Variants in PGPEP1L observed in about 807,000 individuals in gnomAD.
PGPEP1L encodes pyroglutamyl-peptidase I like, also known as pyroglutamyl-peptidase 1-like protein.
A neutral mutation model predicts 6.0 loss-of-function variants in PGPEP1L; 7 were observed. That is an observed-to-expected ratio of 1.17 (90% confidence interval 0.66 to 2.19). The LOEUF (loss-of-function observed/expected upper bound fraction) is 2.19, where lower values mean the gene tolerates loss of function less well. PGPEP1L is among the 30% of genes most tolerant of loss of function. PGPEP1L has a pLI of 0.00. For synonymous variants in PGPEP1L, 103 were observed against 83.9 expected, an observed-to-expected ratio of 1.23 and a Z score of -1.24; for missense variants, 209 against 192.5, an observed-to-expected ratio of 1.09 and a Z score of -0.51.
chr15:98,975,559 T>C (rs1234942685), intron 2 of PGPEP1L, among the ~76,000 whole-genome samples: 1 of 152,192 alleles, frequency 6.6e-6, no homozygotes, highest in Non-Finnish European at 1.5e-5. Context: ...TGTATGTATG[T>C]GTCTAAATAT....
rs142930096 is a variant in PGPEP1L at position 98,990,872 on chromosome 15, A to G, written c.-142+14557T>C. The stretch of plus-strand genomic sequence containing the variant: ...CTGCTCCTGAATGACTACTGGGTAA[A>G]TAACGAAATTGAAGCAGAAATAAAG... On this transcript the variant is annotated intron_variant, in intron 2 of 4. Transcript: ENST00000535714. 7.0e-3 allele frequency among the ~76,000 whole-genome samples: 1,059 copies of G among 152,336 alleles called. 14 individuals carry two copies. The highest frequency in any genetic ancestry group is 0.024 in the African/African-American group (996 of 41,574).
chr15:98,985,348 G>A (rs1213953599), intron 2 of PGPEP1L, among the ~76,000 whole-genome samples: 1 of 152,156 alleles, frequency 6.6e-6, no homozygotes, highest in Non-Finnish European at 1.5e-5. Flanking sequence ...AGACCAGCCT[G>A]GCCAACATGG....
intron 2 of PGPEP1L, among the ~76,000 whole-genome samples, chr15:98,984,844 G>A (rs1179914931): frequency 6.6e-6 from 1 of 152,086 alleles, no homozygotes; most frequent in Non-Finnish European, 1.5e-5. Context: ...CCACCAAGAA[G>A]GGGAAAATGA....
intron 2 of PGPEP1L, among the ~76,000 whole-genome samples, chr15:98,998,826 A>T (rs1555472705): frequency 6.6e-6 from 1 of 152,168 alleles, no homozygotes; most frequent in African/African-American, 2.4e-5. Context: ...AAATATACAA[A>T]AATTAGCCAG....
At chr15:98,983,235 A>T (rs2017694929) in intron 2 of PGPEP1L, among the ~76,000 whole-genome samples, 1 of 151,838 alleles carries the variant, frequency 6.6e-6, no homozygotes, top group Admixed American at 6.6e-5. Context: ...CCTATCCCTG[A>T]ACAGGACTCA....
intron 2 of PGPEP1L, among the ~76,000 whole-genome samples, chr15:98,998,454 T>G (rs1223744303): frequency 6.6e-6 from 1 of 152,220 alleles, no homozygotes; most frequent in Non-Finnish European, 1.5e-5. Context: ...TGTGCACAGA[T>G]GTCTGAATAA....
intron 2 of PGPEP1L, among the ~76,000 whole-genome samples, chr15:98,985,858 C>T (rs1417761512): frequency 6.6e-6 from 1 of 152,250 alleles, no homozygotes; most frequent in African/African-American, 2.4e-5. Flanking sequence ...TCCAGCTTTT[C>T]AGAAGAAGTT....
chr15:99,001,257 C>T (rs782198882), intron 2 of PGPEP1L: 44 of 312,820 alleles, frequency 1.4e-4, no homozygotes, highest in South Asian at 5.9e-4. Flanking sequence ...CACACTACCA[C>T]GTGGCTCAAC....
intron 2 of PGPEP1L, among the ~76,000 whole-genome samples, chr15:98,999,480 G>T (rs943951681): frequency 3.3e-5 from 5 of 152,308 alleles, no homozygotes; most frequent in Middle Eastern, 6.8e-3. Flanking sequence ...CACATTGCTG[G>T]TGGGAATATA....
At chr15:98,992,287 C>A (rs1454920755) in intron 2 of PGPEP1L, among the ~76,000 whole-genome samples, 2 of 152,178 alleles carry the variant, frequency 1.3e-5, no homozygotes, top group African/African-American at 2.4e-5. Context: ...AATTTACAAG[C>A]ATTCCTATAC....
chr15:98,971,771 T>G (rs1596510516), intron 2 of PGPEP1L, among the ~76,000 whole-genome samples: 1 of 152,202 alleles, frequency 6.6e-6, no homozygotes, highest in East Asian at 1.9e-4. Flanking sequence ...ATGGTAATGG[T>G]GTTAAGTGAA....
intron 2 of PGPEP1L, among the ~76,000 whole-genome samples, chr15:99,004,095 G>C (rs1320995024): frequency 1.4e-5 from 2 of 144,470 alleles, no homozygotes; most frequent in Non-Finnish European, 3.0e-5. Flanking sequence ...CTTAAAACCG[G>C]CCAAATGTGT....
chr15:99,000,435 C>G (rs554549052), intron 2 of PGPEP1L, among the ~76,000 whole-genome samples: 1 of 152,224 alleles, frequency 6.6e-6, no homozygotes, highest in Non-Finnish European at 1.5e-5. Flanking sequence ...GGCCCCAGTG[C>G]GGGATCCACA....
intron 2 of PGPEP1L, among the ~76,000 whole-genome samples, chr15:99,003,434 C>T (rs1465829901): frequency 4.0e-5 from 6 of 150,758 alleles, no homozygotes; most frequent in Admixed American, 6.6e-5. Context: ...GCCCCCAGTG[C>T]AACTTGCAAA....
intron 2 of PGPEP1L, among the ~76,000 whole-genome samples, chr15:99,000,267 C>A (rs58515833): frequency 5.3e-4 from 80 of 152,358 alleles, no homozygotes; most frequent in African/African-American, 1.9e-3. Context: ...GGACCTGCAG[C>A]CCGCCATGCC....
intron 2 of PGPEP1L, among the ~76,000 whole-genome samples, chr15:98,992,131 T>C (rs1435491417): frequency 3.9e-5 from 6 of 152,168 alleles, no homozygotes. Flanking sequence ...AATAAAGGTA[T>C]TCAAATAGGA....
chr15:99,005,154 G>A (rs1338865033), intron 2 of PGPEP1L, among the ~76,000 whole-genome samples: 1 of 152,174 alleles, frequency 6.6e-6, no homozygotes, highest in Non-Finnish European at 1.5e-5. Context: ...GAAAGGCAAG[G>A]TCTGAGCCTA....
At chr15:98,993,174 A>G (rs2151763374) in intron 2 of PGPEP1L, among the ~76,000 whole-genome samples, 1 of 152,342 alleles carries the variant, frequency 6.6e-6, no homozygotes, top group East Asian at 1.9e-4. Flanking sequence ...CAAGCAACCT[A>G]CAGAATGGGA....
intron 2 of PGPEP1L, among the ~76,000 whole-genome samples, chr15:99,004,599 T>A (rs529157644): frequency 2.0e-5 from 3 of 152,130 alleles, no homozygotes; most frequent in East Asian, 1.9e-4. Context: ...GTACCTGTAG[T>A]CCCAGCTACT....
Sources: gnomAD v4.1 joint callset for allele counts (sites outside exome capture counted in the v4.1 genomes callset) on GRCh38, gnomAD v4.1.1 for gene constraint, MANE v1.5 for transcripts, NCBI Gene and HGNC (gene_info 2026-07-23, HGNC 2026-07-21) for gene names.